The following DPH5 variants were observed in gnomAD, a reference collection of about 807,000 sequenced individuals.
DPH5 encodes the protein diphthamide biosynthesis 5, also known as diphthine methyl ester synthase.
Under a neutral mutation model 31.6 loss-of-function variants are expected in DPH5, and 31 were observed. The observed-to-expected ratio is 0.98, with a 90% confidence interval of 0.74 to 1.32. The LOEUF is 1.32. Ranked by LOEUF, DPH5 falls within the 40% of genes most tolerant of loss-of-function variation. DPH5 has a pLI of 0.00. For missense variants in DPH5, 309 were observed against 335.7 expected, an observed-to-expected ratio of 0.92 and a Z score of 0.62; for synonymous variants, 120 against 115.0, an observed-to-expected ratio of 1.04 and a Z score of -0.28.
intron 5 of DPH5, among the ~76,000 whole-genome samples, chr1:100,998,198 A>G (rs1371582618): frequency 6.6e-6 from 1 of 152,136 alleles, no homozygotes; most frequent in Non-Finnish European, 1.5e-5. Context: ...ATCTAGATCT[A>G]TAATTAATTA....
intron 2 of DPH5, among the ~76,000 whole-genome samples, chr1:101,022,323 A>G (rs759003050): frequency 3.9e-5 from 6 of 152,234 alleles, no homozygotes; most frequent in Non-Finnish European, 7.3e-5. Context: ...ATTTAAAACT[A>G]TATTCCTTAG....
intron 4 of DPH5, among the ~76,000 whole-genome samples, chr1:101,006,333 C>G (rs553592859): frequency 4.0e-5 from 6 of 151,154 alleles, no homozygotes; most frequent in African/African-American, 1.5e-4. Context: ...ATTATATTTA[C>G]GATTTAAAAA....
chr1:101,001,411 T>C, intron 5 of DPH5, 56 bp downstream of exon 5: 1 of 1,556,050 alleles, frequency 6.4e-7, no homozygotes, highest in Non-Finnish European at 8.7e-7. Context: ...AAAATCAAAA[T>C]GAGAACAGTA....
In DPH5 at chr1:101,001,483, G is replaced by T; in HGVS notation, c.474C>A (p.His158Gln). 6.2e-7 allele frequency: 1 copy of T among 1,613,466 alleles called. No homozygotes were observed. Among genetic ancestry groups the T allele is most frequent in the Non-Finnish European group, 8.5e-7 (1 of 1,179,678 alleles). Residue 158 changes from histidine to glutamine, a missense_variant, in exon 5 of 8, where the codon CAC (histidine) becomes CAA (glutamine). His to Gln is a conservative substitution (Grantham distance 24, BLOSUM62 0). Coordinates refer to ENST00000370109, the MANE Select transcript of DPH5 (RefSeq NM_015958.3). ...KVKKNRQNGM[H>Q]TLCLLDIKVK... Reference sequence around the variant, plus strand: ...AACCCTTACCTAGTAAACATAATGTGTGCATGCCATTTTGTCTGTTCTTCT... The same window carrying T: ...AACCCTTACCTAGTAAACATAATGTTTGCATGCCATTTTGTCTGTTCTTCT...
chr1:101,013,788 T>C lies in DPH5; in HGVS notation c.291A>G (p.Arg97=), dbSNP rs767058878. Residue 97 remains arginine (R), a synonymous_variant, in exon 4 of 8, where the codon AGA becomes AGG. Coordinates refer to ENST00000370109, the MANE Select transcript of DPH5 (RefSeq NM_015958.3). The stretch of plus-strand genomic sequence containing the variant: ...TATAAGGAATTCCCAGCTTTGTTGC[T>C]CTTAGAACAAGATCACTGTGTGTTG... ...GATTHSDLVL[R]ATKLGIPYRV... 11 of 1,613,198 alleles carry C rather than the reference T, an allele frequency of 6.8e-6. No homozygotes were observed. In the South Asian group the frequency reaches 9.9e-5, roughly 15 times the overall value.
chr1:101,001,560 T>C lies in DPH5; in HGVS notation c.397A>G (p.Ile133Val). Residue 133 changes from isoleucine to valine, a missense_variant, in exon 5 of 8, where the codon ATT becomes GTT. Ile to Val is a conservative substitution (Grantham distance 29). Transcript: ENST00000370109. ...QLYKFGETVSIVFWTDTWRPE... is the reference protein window; with the variant it reads ...QLYKFGETVSVVFWTDTWRPE... ...CTCCAAGTGTCTGTCCAAAAAACAA[T>C]AGAAACTGTCTCTCCAAACTTATAT... 1 of 1,601,876 alleles carries C rather than the reference T, an allele frequency of 6.2e-7. No individual in the cohort carries two copies. The highest frequency in any genetic ancestry group is 2.2e-5 in the East Asian group (1 of 44,750).
Position 101,025,639 on chromosome 1 carries a change from C to A in DPH5, c.-24+44G>T. 18 of 633,204 alleles carry A rather than the reference C, an allele frequency of 2.8e-5. No homozygotes were observed. In the South Asian group the frequency reaches 3.6e-4, roughly 13 times the overall value. The allele number at this position is 633,204 out of a possible 1,614,324, so 39.2% of individuals were successfully genotyped here. A position where few individuals can be genotyped will look rare whatever the true frequency, so the allele number is the denominator to read the frequency against. On this transcript the variant is annotated intron_variant, in intron 1 of 7. Transcript: ENST00000370109. The stretch of plus-strand genomic sequence containing the variant: ...GGATAAGAGGTTTTAAACAACCCTA[C>A]CAGTTTTGCCTCTTGTTACACAAAC...
rs1002489903 is a variant in DPH5 at position 101,017,839 on chromosome 1, T to C, written c.260+3802A>G. The stretch of plus-strand genomic sequence containing the variant: ...AAGCTTTTAAAAAATAACATGAATG[T>C]CAATTATAAAGAATTGTTTTTAATA... On this transcript the variant is annotated intron_variant, in intron 3 of 7. Transcript: ENST00000370109. 2.6e-5 allele frequency among the ~76,000 whole-genome samples: 4 copies of C among 152,376 alleles called. No homozygotes were observed. The East Asian group carries it at 7.7e-4, about 29-fold the overall frequency.
At chr1:101,013,581 C>G in intron 4 of DPH5, 129 bp downstream of exon 4, 1 of 612,264 alleles carries the variant, frequency 1.6e-6, no homozygotes, top group Non-Finnish European at 2.7e-6. Context: ...TATGTATATA[C>G]TAAGCAGCCT....
chr1:101,013,641 A>T (rs771962041), intron 4 of DPH5, 69 bp downstream of exon 4: 48 of 1,065,986 alleles, frequency 4.5e-5, no homozygotes, highest in Non-Finnish European at 4.7e-5. Flanking sequence ...AATTAAATGT[A>T]TTTTCAATTT....
chr1:100,997,821 A>G (rs1018578666), intron 5 of DPH5, among the ~76,000 whole-genome samples: 1 of 152,108 alleles, frequency 6.6e-6, no homozygotes, highest in Admixed American at 6.5e-5. Flanking sequence ...CATCCCTCAG[A>G]TACATCTACT....
chr1:100,991,659 T>G (rs538204222), intron 7 of DPH5, among the ~76,000 whole-genome samples: 2 of 151,486 alleles, frequency 1.3e-5, no homozygotes, highest in East Asian at 3.9e-4. Flanking sequence ...TGTGGTGGCA[T>G]GCACCTGTAG....
intron 3 of DPH5, among the ~76,000 whole-genome samples, chr1:101,014,915 G>A (rs1169193259): frequency 1.3e-5 from 2 of 152,126 alleles, no homozygotes; most frequent in South Asian, 2.1e-4. Context: ...ATCTGTTCAA[G>A]TTTTATCCTA....
intron 3 of DPH5, among the ~76,000 whole-genome samples, chr1:101,018,073 T>C (rs1336094694): frequency 2.0e-5 from 3 of 152,186 alleles, no homozygotes; most frequent in African/African-American, 4.8e-5. Flanking sequence ...TATGTGTATA[T>C]GTATGTATGC....
At chr1:101,009,469 A>G (rs1659476530) in intron 4 of DPH5, among the ~76,000 whole-genome samples, 1 of 152,214 alleles carries the variant, frequency 6.6e-6, no homozygotes, top group Non-Finnish European at 1.5e-5. Context: ...TAGGACTATC[A>G]GTAAGGCAGA....
chr1:101,007,310 A>T (rs1032540562), intron 4 of DPH5, among the ~76,000 whole-genome samples: 1 of 152,228 alleles, frequency 6.6e-6, no homozygotes, highest in Non-Finnish European at 1.5e-5. Flanking sequence ...ATCATTTATT[A>T]TCAAGGAAAA....
chr1:101,023,729 G>A (rs969356875), intron 2 of DPH5, among the ~76,000 whole-genome samples: 2 of 152,178 alleles, frequency 1.3e-5, no homozygotes, highest in South Asian at 4.1e-4. Flanking sequence ...TTGGAAATGT[G>A]AACATTGACA....
At chr1:101,001,727 A>C (rs1029344184) in intron 4 of DPH5, 140 bp from the exon 5 acceptor site, 2 of 667,098 alleles carry the variant, frequency 3.0e-6, no homozygotes, top group Non-Finnish European at 4.9e-6. Context: ...TGTCACCAAA[A>C]AAGGTAACAG....
chr1:101,017,251 A>G (rs1660148484), intron 3 of DPH5, among the ~76,000 whole-genome samples: 1 of 152,240 alleles, frequency 6.6e-6, no homozygotes, highest in Admixed American at 6.5e-5. Flanking sequence ...AAAACGAGGT[A>G]TGCCTGTACA....
Sources: gnomAD v4.1 joint callset for allele counts (sites outside exome capture counted in the v4.1 genomes callset) on GRCh38, gnomAD v4.1.1 for gene constraint, MANE v1.5 for transcripts, NCBI Gene and HGNC (gene_info 2026-07-23, HGNC 2026-07-21) for gene names.